The following ZFHX3 variants were observed in gnomAD, a reference collection of about 807,000 sequenced individuals.
The protein encoded by ZFHX3 is zinc finger homeobox protein 3.
In ZFHX3, 42 loss-of-function variants were observed where a neutral mutation model predicts 279.1. The observed-to-expected ratio is 0.15, with a 90% CI of 0.12 to 0.19. The LOEUF is 0.19. Among genes scored for constraint, ZFHX3 ranks in the 10% least tolerant of loss-of-function variants. ZFHX3 has a pLI of 1.00. For synonymous variants in ZFHX3, 2,293 were observed against 1,957.8 expected, an observed-to-expected ratio of 1.17 and a Z score of -4.52; for missense variants, 4,981 against 4,754.0, an observed-to-expected ratio of 1.05 and a Z score of -1.40.
At position 73,744,036 on chromosome 16, in the gene ZFHX3, G is replaced by A. The variant is rs1044812645; in HGVS notation, c.-1607-63796C>T. Among the ~76,000 whole-genome samples, 6 of 152,024 alleles carry A rather than the reference G, an allele frequency of 3.9e-5. No individual in the cohort carries two copies. In the East Asian group the frequency reaches 5.8e-4, roughly 15 times the overall value. On this transcript the variant is annotated intron_variant, in intron 1 of 17. Coordinates refer to the ZFHX3 transcript ENST00000641206. The stretch of plus-strand genomic sequence containing the variant: ...CTTTTAATTCCGCAAACCGACCCCC[G>A]CCACAGATCCAACAAATCAGACCAC...
At chr16:73,197,485 A>G (rs934483908) in intron 5 of ZFHX3, among the ~76,000 whole-genome samples, 1 of 152,250 alleles carries the variant, frequency 6.6e-6, no homozygotes, top group Non-Finnish European at 1.5e-5. Flanking sequence ...ATGAGTAAAC[A>G]TAAAGCAATT....
At chr16:72,906,203 C>A (rs945985559) in intron 3 of ZFHX3, among the ~76,000 whole-genome samples, 2 of 151,856 alleles carry the variant, frequency 1.3e-5, no homozygotes, top group Non-Finnish European at 2.9e-5. Flanking sequence ...ACTGGAAGGC[C>A]GGCCCGGGAA....
chr16:73,645,134 C>G (rs1327523677), intron 2 of ZFHX3, among the ~76,000 whole-genome samples: 1 of 152,240 alleles, frequency 6.6e-6, no homozygotes. Flanking sequence ...CCAGGGAAAG[C>G]TGGTGAACAG....
chr16:73,243,869 A>G (rs2013201107), intron 5 of ZFHX3, among the ~76,000 whole-genome samples: 1 of 152,212 alleles, frequency 6.6e-6, no homozygotes. Context: ...GATAATAATA[A>G]TAAATGTTTT....
At chr16:73,796,634 A>T (rs1959997672) in intron 1 of ZFHX3, 1 of 152,236 alleles carries the variant, frequency 6.6e-6, no homozygotes, top group African/African-American at 2.4e-5. Flanking sequence ...CACATATCGC[A>T]GTAATTGGAG....
intron 1 of ZFHX3, among the ~76,000 whole-genome samples, chr16:73,735,873 T>G (rs954916440): frequency 6.6e-6 from 1 of 151,698 alleles, no homozygotes; most frequent in African/African-American, 2.4e-5. Context: ...GAAGGCAAAA[T>G]GAAGCACCAG....
At chr16:73,480,398 C>A (rs2018843516) in intron 2 of ZFHX3, among the ~76,000 whole-genome samples, 1 of 152,172 alleles carries the variant, frequency 6.6e-6, no homozygotes, top group South Asian at 2.1e-4. Context: ...ATGAGAGGAA[C>A]CTTAGGTAAT....
At chr16:72,899,946 C>A (rs1217362369) in intron 3 of ZFHX3, among the ~76,000 whole-genome samples, 1 of 152,276 alleles carries the variant, frequency 6.6e-6, no homozygotes, top group South Asian at 2.1e-4. Flanking sequence ...AACCCTCACT[C>A]CTCCCCAGGC....
chr16:73,873,309 G>A (rs1338328119), intron 1 of ZFHX3, among the ~76,000 whole-genome samples: 3 of 149,340 alleles, frequency 2.0e-5, no homozygotes, highest in South Asian at 4.3e-4. Context: ...AGTGGGTGGT[G>A]GGTGGTAGTG....
upstream of ZFHX3, among the ~76,000 whole-genome samples, chr16:73,051,645 T>C (rs934613224): frequency 2.6e-5 from 4 of 152,314 alleles, no homozygotes; most frequent in African/African-American, 4.8e-5. Flanking sequence ...GTCAATGATA[T>C]CCCACAACAA....
chr16:72,829,827 C>G lies in ZFHX3; in HGVS notation c.3481G>C (p.Glu1161Gln), dbSNP rs1179523717. Residue 1161 changes from glutamate to glutamine, a missense_variant, in exon 5 of 10, where the codon GAA (glutamate) becomes CAA (glutamine). Coordinates refer to ENST00000268489, the MANE Select transcript of ZFHX3 (RefSeq NM_006885.4). The stretch of plus-strand genomic sequence containing the variant: ...AGCTCCTCTGGATCAGCAGCTGTTT[C>G]ACTGGGTCCTTCAACATCTTCAATG... ...EAIEDVEGPS[E>Q]TAADPEELAK... 6.2e-7 allele frequency: 1 copy of G among 1,614,216 alleles called. No individual in the cohort carries two copies. Among genetic ancestry groups the G allele is most frequent in the Non-Finnish European group, 8.5e-7 (1 of 1,180,040 alleles).
chr16:73,703,866 T>G (rs2053276828), intron 1 of ZFHX3, among the ~76,000 whole-genome samples: 1 of 152,148 alleles, frequency 6.6e-6, no homozygotes, highest in Admixed American at 6.6e-5. Context: ...CTGCTGAGTT[T>G]GTTAAAAGTA....
At chr16:72,944,085 A>G (rs977071766) in intron 3 of ZFHX3, among the ~76,000 whole-genome samples, 3 of 152,174 alleles carry the variant, frequency 2.0e-5, no homozygotes, top group Non-Finnish European at 4.4e-5. Context: ...GGGGTTCAAG[A>G]CCAGCCTAGG....
rs906824177 is a variant in ZFHX3, at chr16:73,300,455, G to A, written c.-1194+17785C>T. On this transcript the variant is annotated intron_variant, in intron 4 of 17. Transcript: ENST00000641206. Reference sequence around the variant, plus strand: ...CTGCAGGTGTGGCCCATAGGTGGCCGTGTGTGCCAGGATACGGGATGTTGG... The same window carrying A: ...CTGCAGGTGTGGCCCATAGGTGGCCATGTGTGCCAGGATACGGGATGTTGG... Among the ~76,000 whole-genome samples, 76 of 152,120 alleles carry A rather than the reference G, an allele frequency of 5.0e-4. No individual in the cohort carries two copies. The Middle Eastern group carries it at 0.01, about 20-fold the overall frequency.
intron 8 of ZFHX3, among the ~76,000 whole-genome samples, chr16:73,088,372 C>G (rs1265215084): frequency 6.6e-6 from 1 of 152,112 alleles, no homozygotes; most frequent in Non-Finnish European, 1.5e-5. Context: ...CAGCTGGTCT[C>G]AAACTCCTGG....
intron 5 of ZFHX3, among the ~76,000 whole-genome samples, chr16:73,156,948 G>A (rs1334538110): frequency 6.6e-6 from 1 of 152,124 alleles, no homozygotes; most frequent in Non-Finnish European, 1.5e-5. Flanking sequence ...TCCTGACCTC[G>A]TGATCTGCCC....
chr16:73,787,092 T>C (rs923791594), intron 1 of ZFHX3, among the ~76,000 whole-genome samples: 1 of 152,224 alleles, frequency 6.6e-6, no homozygotes, highest in Non-Finnish European at 1.5e-5. Context: ...TTTCATACTT[T>C]AACTGTCATT....
At chr16:73,875,144 C>T (rs188938922) in intron 1 of ZFHX3, among the ~76,000 whole-genome samples, 290 of 152,142 alleles carry the variant, frequency 1.9e-3, no homozygotes, top group Admixed American at 2.1e-3. Context: ...GGAGTATTTC[C>T]AAATAACATA....
intron 2 of ZFHX3, among the ~76,000 whole-genome samples, chr16:73,505,315 C>T (rs949950529): frequency 6.6e-6 from 1 of 152,086 alleles, no homozygotes; most frequent in African/African-American, 2.4e-5. Context: ...TAACAAAATG[C>T]TCGCCTCCCT....
Sources: allele counts gnomAD v4.1 joint callset (sites outside exome capture counted in the v4.1 genomes callset), GRCh38; gene constraint gnomAD v4.1.1; transcripts MANE v1.5; gene names NCBI Gene and HGNC (gene_info 2026-07-23, HGNC 2026-07-21).